The following TCP11 variants were observed in gnomAD, a reference collection of about 807,000 sequenced individuals.
TCP11 encodes the protein T-complex protein 11 homolog.
A neutral mutation model predicts 45.0 loss-of-function variants in TCP11; 34 were observed. The ratio of observed to expected loss-of-function variants is 0.76; its 90% CI spans 0.57 to 1.01. TCP11 has a LOEUF of 1.01. TCP11 is among the 50% of genes least tolerant of loss of function. The pLI, the probability that TCP11 is intolerant of heterozygous loss-of-function variation, is 0.00. For synonymous variants in TCP11, 227 were observed against 227.0 expected (o/e 1.00, Z 0.00); for missense variants, 523 against 598.1 (o/e 0.87, Z 1.31).
chr6:35,118,450 C>T lies in TCP11; in HGVS notation c.1331G>A (p.Arg444Gln), dbSNP rs548056330. The T allele has an allele frequency of 2.0e-5, 33 of 1,614,046 alleles. No individual in the cohort carries two copies. In the South Asian group the frequency reaches 2.4e-4, roughly 12 times the overall value. The change falls in exon 10 of 10, where the codon CGG becomes CAG. Residue 444 changes from arginine (R) to glutamine (Q), a missense_variant. This residue lies in a region of TCP11 where 298 missense variants were observed against 387.9 expected (regional missense o/e 0.77). Coordinates refer to ENST00000311875, the MANE Select transcript of TCP11 (RefSeq NM_001370687.1). The part of the protein sequence containing the change: ...LKCCLVLGVQ[R>Q]SLLDLPGGLT... Reference sequence around the variant, plus strand: ...GCCTCCAGGAAGGTCTAATAGAGACCGCTGCACACCAAGAACCAAACAGCA... The same window carrying T: ...GCCTCCAGGAAGGTCTAATAGAGACTGCTGCACACCAAGAACCAAACAGCA...
At chr6:35,123,488 T>C (rs1404923638) in intron 4 of TCP11, among the ~76,000 whole-genome samples, 3 of 151,992 alleles carry the variant, frequency 2.0e-5, no homozygotes, top group Non-Finnish European at 4.4e-5. Context: ...CCTTTTATAA[T>C]ATTTTTTTTC....
chr6:35,119,451 C>A, intron 8 of TCP11, 60 bp from the exon 9 acceptor site: 1 of 1,581,854 alleles, frequency 6.3e-7, no homozygotes, highest in Admixed American at 1.7e-5. Context: ...AGGCCCAGGG[C>A]CCAGCATGCT....
In TCP11 at chr6:35,122,238, C is replaced by A. The variant is rs375000730; in HGVS notation, c.457G>T (p.Ala153Ser). The part of the protein sequence containing the change: ...DLLKQEAEHG[A>S]LKVLYLSKYV... ...TTAGAGAGATAGAGGACTTTCAGGG[C>A]CCCATGTTCTGCCTCCTGCTTGAGC... Residue 153 changes from alanine to serine, a missense_variant, in exon 5 of 10, where the codon GCC (alanine) becomes TCC (serine). Transcript: ENST00000311875. 196 of 1,614,036 alleles carry A rather than the reference C, an allele frequency of 1.2e-4. No homozygotes were observed. The highest frequency in any genetic ancestry group is 1.6e-4 in the Non-Finnish European group (188 of 1,180,044).
At chr6:35,129,639 AATTC>A (rs1426014506) in intron 3 of TCP11, among the ~76,000 whole-genome samples, 1 of 152,210 alleles carries the variant, frequency 6.6e-6, no homozygotes, top group Non-Finnish European at 1.5e-5. Context: ...TCTAAAACTA[AATTC>A]ATTATCTTCC....
intron 4 of TCP11, among the ~76,000 whole-genome samples, chr6:35,123,459 A>T (rs1299451526): frequency 6.6e-6 from 1 of 151,320 alleles, no homozygotes; most frequent in African/African-American, 2.4e-5. Context: ...ATTAAAAAAA[A>T]GGCATAACAC....
chr6:35,127,692 T>G (rs1554167030), intron 4 of TCP11, among the ~76,000 whole-genome samples: 2 of 152,240 alleles, frequency 1.3e-5, no homozygotes, highest in Non-Finnish European at 2.9e-5. Context: ...GGTAACACAA[T>G]AGTCAGTGAA....
At chr6:35,129,294 C>T in intron 3 of TCP11, 112 bp from the exon 4 acceptor site, 1 of 1,325,572 alleles carries the variant, frequency 7.5e-7, no homozygotes, top group South Asian at 1.6e-5. Context: ...ATTATAATAA[C>T]AGGGAAAGGC....
chr6:35,138,565 A>G lies in TCP11; in HGVS notation c.124+2182T>C, dbSNP rs1426975094. ...TCATGTAGATAGAGAATAGAATGAC[A>G]GATAACCAGAGGCTGGGAAGGGTAG... is the stretch of plus-strand genomic sequence containing the variant. On this transcript the variant is annotated intron_variant, in intron 2 of 9. Coordinates refer to ENST00000311875, the MANE Select transcript of TCP11 (RefSeq NM_001370687.1). 2.0e-5 allele frequency among the ~76,000 whole-genome samples: 3 copies of G among 149,440 alleles called. No homozygotes were observed. The East Asian group carries it at 5.9e-4, about 29-fold the overall frequency.
At chr6:35,132,680 G>A (rs189929323) in intron 3 of TCP11, among the ~76,000 whole-genome samples, 24 of 152,140 alleles carry the variant, frequency 1.6e-4, no homozygotes, top group Admixed American at 1.2e-3. Context: ...CCTTTTTCCC[G>A]ACATAATTTT....
chr6:35,137,920 T>C (rs1781278089), intron 2 of TCP11: 7 of 397,088 alleles, frequency 1.8e-5, no homozygotes, highest in Non-Finnish European at 3.0e-5. Flanking sequence ...AATTTTTCTA[T>C]AGTAAAAAGA....
intron 3 of TCP11, among the ~76,000 whole-genome samples, chr6:35,134,482 T>C (rs1359254673): frequency 1.3e-5 from 2 of 151,934 alleles, no homozygotes; most frequent in African/African-American, 4.8e-5. Context: ...GGTTTCACCA[T>C]GTTGGCCAGG....
Position 35,121,022 on chromosome 6 carries a change from C to A in TCP11, c.602G>T (p.Arg201Leu). ...LLRGIFQVLG[R>L]MKMDMVNYTI... ...GTAGTTCACCATGTCCATTTTCATC[C>A]GGCCCAGAACCTGGAAGATCCCTCT... The change falls in exon 6 of 10, where the codon CGG becomes CTG. Residue 201 changes from arginine (R) to leucine (L), a missense_variant. By Grantham distance (102) the Arg-to-Leu change is moderately radical (BLOSUM62 -2). Around this residue, in one of 2 missense-constraint regions of TCP11, gnomAD observed 298 missense variants for 387.9 expected, o/e 0.77. Coordinates refer to ENST00000311875, the MANE Select transcript of TCP11 (RefSeq NM_001370687.1). 1 of 1,609,954 alleles carries A rather than the reference C, an allele frequency of 6.2e-7. No individual in the cohort carries two copies. The highest frequency in any genetic ancestry group is 8.5e-7 in the Non-Finnish European group (1 of 1,177,744).
rs746615964 is a variant in TCP11 at position 35,120,454 on chromosome 6, T to C, written c.908A>G (p.Asp303Gly). The C allele has an allele frequency of 2.3e-5, 37 of 1,598,854 alleles. No individual in the cohort carries two copies. Among genetic ancestry groups the C allele is most frequent in the Non-Finnish European group, 2.6e-5 (31 of 1,172,510 alleles). Residue 303 changes from aspartate (D) to glycine (G), a missense_variant, in exon 7 of 10, where the codon GAC (aspartate) becomes GGC (glycine). By Grantham distance (94) the Asp-to-Gly change is moderately conservative (BLOSUM62 -1). Transcript: ENST00000311875. This position sits in a 1 kb window ranked among gnomAD's most constrained non-coding sequence, Gnocchi z 4.9. Reference protein sequence around the residue: ...CQGFLNLLLWDLENEEFPETL... With the variant: ...CQGFLNLLLWGLENEEFPETL... The stretch of plus-strand genomic sequence containing the variant: ...CTCAGGGAACTCTTCATTTTCAAGG[T>C]CCCAGAGAAGGAGGTTCAAGAAGCC...
At chr6:35,123,313 G>C (rs1779483078) in intron 4 of TCP11, among the ~76,000 whole-genome samples, 1 of 152,122 alleles carries the variant, frequency 6.6e-6, no homozygotes, top group Non-Finnish European at 1.5e-5. Flanking sequence ...ATGCAAACTT[G>C]AGGATAGCAG....
intron 2 of TCP11, 87 bp from the exon 3 acceptor site, chr6:35,136,305 A>G: frequency 1.0e-6 from 1 of 990,866 alleles, no homozygotes; most frequent in Non-Finnish European, 1.5e-6. Context: ...CCAAATTTAG[A>G]TTAATCAAAC....
chr6:35,118,098 G>A lies in TCP11; in HGVS notation c.*171C>T, dbSNP rs1394527601. ...TCTTGCACTTAAGAAGTTTATTAAT[G>A]AATGGGTATGGACCAGTTGGTGTTT... On this transcript the variant is annotated 3_prime_UTR_variant, in exon 10 of 10. Transcript: ENST00000311875. The A allele has an allele frequency of 6.4e-6, 4 of 620,422 alleles. No individual in the cohort carries two copies. The highest frequency in any genetic ancestry group is 8.6e-6 in the Non-Finnish European group (3 of 348,366). The allele number at this position is 620,422 out of a possible 1,614,324, so 38.4% of individuals were successfully genotyped here.
intron 2 of TCP11, chr6:35,137,764 CA>C (rs1781253607): frequency 8.8e-6 from 4 of 454,750 alleles, no homozygotes; most frequent in South Asian, 6.2e-5. Flanking sequence ...GATGCAGCAT[CA>C]TGATTTTTCA....
intron 3 of TCP11, 121 bp downstream of exon 3, chr6:35,135,986 C>A: frequency 1.6e-6 from 1 of 623,200 alleles, no homozygotes; most frequent in Non-Finnish European, 2.7e-6. Flanking sequence ...TTGTTGAGAC[C>A]TCTCAAGTTT....
At position 35,140,733 on chromosome 6, in the gene TCP11, C is replaced by T. The variant is rs371272014; in HGVS notation, c.124+14G>A. On this transcript the variant is annotated intron_variant, in intron 2 of 9. Coordinates refer to ENST00000311875, the MANE Select transcript of TCP11 (RefSeq NM_001370687.1). Reference sequence around the variant, plus strand: ...CCCCCTAGGGGGCCACAGGGACTGCCGAGCTGGACCTACAGGGAGGGGGGT... The same window carrying T: ...CCCCCTAGGGGGCCACAGGGACTGCTGAGCTGGACCTACAGGGAGGGGGGT... 4 of 1,524,660 alleles carry T rather than the reference C, an allele frequency of 2.6e-6. No homozygotes were observed. Among genetic ancestry groups the T allele is most frequent in the Non-Finnish European group, 2.6e-6 (3 of 1,140,674 alleles). The allele number at this position is 1,524,660 out of a possible 1,614,324, so 94.4% of individuals were successfully genotyped here. A position where few individuals can be genotyped will look rare whatever the true frequency, so the allele number is the denominator to read the frequency against.
Sources: gnomAD v4.1 joint callset for allele counts (sites outside exome capture counted in the v4.1 genomes callset) on GRCh38, gnomAD v4.1.1 for gene constraint, gnomAD v4.1.1 regional missense constraint, Gnocchi (gnomAD v3.1) non-coding constraint, MANE v1.5 for transcripts, NCBI Gene and HGNC (gene_info 2026-07-23, HGNC 2026-07-21) for gene names.